The following ADGRL3 variants were observed in gnomAD, a reference collection of about 807,000 sequenced individuals.
ADGRL3 encodes the protein calcium-independent alpha-latrotoxin receptor 3.
Under a neutral mutation model 153.5 loss-of-function variants are expected in ADGRL3, and 62 were observed. The ratio of observed to expected loss-of-function variants is 0.40; its 90% confidence interval spans 0.33 to 0.50. The LOEUF (loss-of-function observed/expected upper bound fraction) is 0.50. Among genes scored for constraint, ADGRL3 ranks in the 20% least tolerant of loss-of-function variants. ADGRL3 has a pLI of 0.47. For missense variants in ADGRL3, 1,641 were observed against 1,859.4 expected (o/e 0.88, Z 2.16); for synonymous variants, 710 against 672.5 (o/e 1.06, Z -0.86).
At chr4:61,261,842 C>A (rs1393308138) in intron 1 of ADGRL3, among the ~76,000 whole-genome samples, 1 of 151,998 alleles carries the variant, frequency 6.6e-6, no homozygotes, top group African/African-American at 2.4e-5. Flanking sequence ...CTAGGATTTG[C>A]CATGAAAAGA....
At chr4:61,416,130 A>G (rs2097142154) in intron 2 of ADGRL3, among the ~76,000 whole-genome samples, 1 of 152,066 alleles carries the variant, frequency 6.6e-6, no homozygotes, top group South Asian at 2.1e-4. Flanking sequence ...CCATGTGCTG[A>G]TATCTAGATT....
At chr4:61,625,791 G>A (rs1214115173) in intron 5 of ADGRL3, among the ~76,000 whole-genome samples, 1 of 152,044 alleles carries the variant, frequency 6.6e-6, no homozygotes, top group African/African-American at 2.4e-5. Flanking sequence ...CTTCTTAAAG[G>A]AGGAATAAAG....
intron 4 of ADGRL3, among the ~76,000 whole-genome samples, chr4:61,578,131 T>C (rs2098901346): frequency 6.6e-6 from 1 of 152,108 alleles, no homozygotes; most frequent in Non-Finnish European, 1.5e-5. Context: ...GTGATATTCT[T>C]GTATTTCCTT....
At chr4:61,654,247 C>T (rs1040619181) in intron 5 of ADGRL3, among the ~76,000 whole-genome samples, 1 of 152,000 alleles carries the variant, frequency 6.6e-6, no homozygotes, top group African/African-American at 2.4e-5. Flanking sequence ...GTGGAAATGT[C>T]ATAATTTGTA....
At chr4:61,986,956 T>C (rs996026564) in intron 19 of ADGRL3, among the ~76,000 whole-genome samples, 4 of 152,136 alleles carry the variant, frequency 2.6e-5, no homozygotes, top group African/African-American at 9.7e-5. Context: ...AGTGAACAGA[T>C]TGTTTCCATC....
chr4:61,749,081 T>G (rs2096715384), intron 8 of ADGRL3, among the ~76,000 whole-genome samples: 1 of 151,938 alleles, frequency 6.6e-6, no homozygotes, highest in Admixed American at 6.5e-5. Context: ...AAAGAAGACA[T>G]TTATGCTGCC....
At chr4:61,466,538 C>T (rs1050685325) in intron 2 of ADGRL3, among the ~76,000 whole-genome samples, 32 of 152,198 alleles carry the variant, frequency 2.1e-4, no homozygotes, top group African/African-American at 6.5e-4. Flanking sequence ...TCCTTATTCA[C>T]GCCATTATAT....
intron 13 of ADGRL3, among the ~76,000 whole-genome samples, chr4:61,913,679 T>G (rs1445971336): frequency 6.6e-6 from 1 of 152,112 alleles, no homozygotes; most frequent in Non-Finnish European, 1.5e-5. Flanking sequence ...TAGTAAAAAT[T>G]GATTTGTTTG....
chr4:61,259,354 C>A (rs981252952), intron 1 of ADGRL3, among the ~76,000 whole-genome samples: 11 of 151,846 alleles, frequency 7.2e-5, no homozygotes, highest in Non-Finnish European at 1.5e-5. Flanking sequence ...ACCCGGGAGG[C>A]GGAGTTTGCA....
At chr4:62,027,951 T>C (rs188329290) in intron 21 of ADGRL3, among the ~76,000 whole-genome samples, 99 of 151,988 alleles carry the variant, frequency 6.5e-4, no homozygotes, top group African/African-American at 2.3e-3. Flanking sequence ...CCATTCTTTA[T>C]TATTTCATCA....
chr4:61,236,008 C>CTTTT (rs55932029), intron 1 of ADGRL3, among the ~76,000 whole-genome samples: 4,112 of 95,834 alleles, frequency 0.043, 293 homozygotes, highest in East Asian at 0.098. Flanking sequence ...CTTTTCTTTT[C>CTTTT]TTTTTTTTTT....
At chr4:62,024,794 G>C (rs899751763) in intron 21 of ADGRL3, among the ~76,000 whole-genome samples, 3 of 151,972 alleles carry the variant, frequency 2.0e-5, no homozygotes, top group African/African-American at 7.2e-5. Context: ...GCCTGGTGTG[G>C]TGGTATGCGC....
intron 11 of ADGRL3, among the ~76,000 whole-genome samples, chr4:61,900,686 T>A (rs1381042394): frequency 1.3e-5 from 2 of 152,060 alleles, no homozygotes; most frequent in African/African-American, 2.4e-5. Context: ...GATGGAAGTC[T>A]TGATGGATGT....
chr4:61,207,045 T>TTTATTA (rs542169417), intron 1 of ADGRL3, among the ~76,000 whole-genome samples: 18 of 150,892 alleles, frequency 1.2e-4, no homozygotes, highest in African/African-American at 3.4e-4. Flanking sequence ...CTTTAGGTCA[T>TTTATTA]TTATTATTAT....
At chr4:61,790,899 C>A (rs1453521400) in intron 8 of ADGRL3, among the ~76,000 whole-genome samples, 1 of 152,126 alleles carries the variant, frequency 6.6e-6, no homozygotes, top group Admixed American at 6.5e-5. Flanking sequence ...ATGAAACCAT[C>A]AGATCTCATG....
At chr4:61,432,661 T>TCTTTCTC (rs2097386214) in intron 2 of ADGRL3, among the ~76,000 whole-genome samples, 1 of 142,084 alleles carries the variant, frequency 7.0e-6, no homozygotes, top group African/African-American at 2.6e-5. Context: ...TTTCTTTTTT[T>TCTTTCTC]TTTTTTTTTG....
At chr4:61,704,675 T>C (rs1168824086) in intron 6 of ADGRL3, among the ~76,000 whole-genome samples, 2 of 152,224 alleles carry the variant, frequency 1.3e-5, no homozygotes, top group African/African-American at 2.4e-5. Context: ...GACAGGCTTT[T>C]TTGATACCAT....
chr4:61,478,065 T>C (rs2098086594), intron 2 of ADGRL3, among the ~76,000 whole-genome samples: 1 of 152,108 alleles, frequency 6.6e-6, no homozygotes, highest in Non-Finnish European at 1.5e-5. Flanking sequence ...CGTTTCATTT[T>C]TTCTTATGAA....
At chr4:61,854,193 A>T (rs1231068418) in intron 9 of ADGRL3, among the ~76,000 whole-genome samples, 2 of 152,162 alleles carry the variant, frequency 1.3e-5, no homozygotes, top group African/African-American at 4.8e-5. Context: ...AATTTACTGG[A>T]CAATACTTTC....
Sources: gnomAD v4.1 joint callset for allele counts (sites outside exome capture counted in the v4.1 genomes callset) on GRCh38, gnomAD v4.1.1 for gene constraint, MANE v1.5 for transcripts, NCBI Gene and HGNC (gene_info 2026-07-23, HGNC 2026-07-21) for gene names.